The following ABI3BP variants were observed in gnomAD, a reference collection of about 807,000 sequenced individuals.
ABI3BP encodes the protein ABI family member 3 binding protein.
Under a neutral mutation model 268.6 loss-of-function variants are expected in ABI3BP, and 216 were observed. That is an observed-to-expected ratio of 0.80 (90% CI 0.72 to 0.90). The LOEUF is 0.90. Ranked by LOEUF, ABI3BP falls within the 40% of genes least tolerant of loss-of-function variation. ABI3BP has a pLI of 0.00. For synonymous variants in ABI3BP, 730 were observed against 730.0 expected, an observed-to-expected ratio of 1.00 and a Z score of 0.00; for missense variants, 2,090 against 2,182.4, an observed-to-expected ratio of 0.96 and a Z score of 0.84.
At chr3:100,921,286 T>A (rs2060136979) in intron 2 of ABI3BP, among the ~76,000 whole-genome samples, 1 of 152,232 alleles carries the variant, frequency 6.6e-6, no homozygotes, top group South Asian at 2.1e-4. Context: ...CTAAAGCAAT[T>A]CTTCAACGTG....
chr3:100,788,095 T>C (rs1453238689), intron 56 of ABI3BP, among the ~76,000 whole-genome samples: 1 of 152,178 alleles, frequency 6.6e-6, no homozygotes, highest in African/African-American at 2.4e-5. Flanking sequence ...GTTTCATTTA[T>C]AGGCATTAGA....
At chr3:100,784,181 T>C (rs778129216) in intron 57 of ABI3BP, among the ~76,000 whole-genome samples, 10 of 152,190 alleles carry the variant, frequency 6.6e-5, no homozygotes, top group Non-Finnish European at 1.5e-4. Flanking sequence ...AAGATTTTTA[T>C]AGAGACCTCA....
At chr3:100,990,629 T>A (rs1219527844) in intron 1 of ABI3BP, among the ~76,000 whole-genome samples, 3 of 150,090 alleles carry the variant, frequency 2.0e-5, no homozygotes, top group East Asian at 1.9e-4. Context: ...AATGTAGATA[T>A]GTTCTTAGGA....
chr3:100,948,583 T>TA (rs962919387), intron 1 of ABI3BP, among the ~76,000 whole-genome samples: 1 of 152,208 alleles, frequency 6.6e-6, no homozygotes, highest in Admixed American at 6.5e-5. Context: ...GCTTACAACT[T>TA]ACTATATGAA....
chr3:100,796,033 T>A (rs1427459680), intron 52 of ABI3BP, among the ~76,000 whole-genome samples, 182 bp from the exon 53 acceptor site: 1 of 152,124 alleles, frequency 6.6e-6, no homozygotes, highest in Non-Finnish European at 1.5e-5. Context: ...TAACTAAAAC[T>A]TTGAAGTTCT....
At chr3:100,890,751 C>T (rs2044222491) in intron 4 of ABI3BP, among the ~76,000 whole-genome samples, 1 of 152,124 alleles carries the variant, frequency 6.6e-6, no homozygotes, top group Non-Finnish European at 1.5e-5. Flanking sequence ...AATTTCATAA[C>T]TAACTTAAAA....
At chr3:100,759,006 T>C (rs1018363858) in intron 63 of ABI3BP, among the ~76,000 whole-genome samples, 17 of 152,348 alleles carry the variant, frequency 1.1e-4, no homozygotes, top group African/African-American at 4.1e-4. Context: ...CTTTTCCTTC[T>C]ATTTTTTGCC....
In ABI3BP at chr3:100,839,455, C is replaced by A. The variant is rs1432165791; in HGVS notation, c.1945+114G>T. The A allele has an allele frequency of 3.6e-6, 4 of 1,119,530 alleles. No individual in the cohort carries two copies. The African/African-American group carries it at 6.2e-5, about 17-fold the overall frequency. The allele number at this position is 1,119,530 out of a possible 1,614,324, so 69.3% of individuals were successfully genotyped here. The stretch of plus-strand genomic sequence containing the variant: ...CCCAGACAGGAAAGGTGAGGAAAAG[C>A]GTGGGATGAAACTGTGATGAGGTGG... On this transcript the variant is annotated intron_variant, in intron 24 of 67. Transcript: ENST00000471714.
chr3:100,894,952 A>AAAAAAAAAAAAAAAAAAAAAC (rs1561384128), intron 4 of ABI3BP, among the ~76,000 whole-genome samples: 3 of 111,624 alleles, frequency 2.7e-5, no homozygotes, highest in Non-Finnish European at 6.8e-5. Context: ...AAAAAAAAAA[A>AAAAAAAAAAAAAAAAAAAAAC]AAAAAAAAAA....
intron 2 of ABI3BP, among the ~76,000 whole-genome samples, chr3:100,910,263 G>T (rs1474997465): frequency 6.6e-6 from 1 of 152,082 alleles, no homozygotes; most frequent in African/African-American, 2.4e-5. Context: ...CTGTTGGGAA[G>T]TCGGGGGCAG....
rs375624501 is a variant in ABI3BP, at chr3:100,864,944, A to G, written c.989-37T>C. ...AAAGCACAACTTTACAAATTAAGAT[A>G]AAGTGAAGCAACCAAAGACCAGGAG... On this transcript the variant is annotated intron_variant, in intron 10 of 67. Transcript: ENST00000471714. 14 of 1,512,804 alleles carry G rather than the reference A, an allele frequency of 9.3e-6. No individual in the cohort carries two copies. The African/African-American group carries it at 1.4e-4, about 15-fold the overall frequency. The allele number at this position is 1,512,804 out of a possible 1,614,324, so 93.7% of individuals were successfully genotyped here. A position where few individuals can be genotyped will look rare whatever the true frequency, so the allele number is the denominator to read the frequency against.
At chr3:100,980,307 T>C (rs922199789) in intron 1 of ABI3BP, among the ~76,000 whole-genome samples, 1 of 152,076 alleles carries the variant, frequency 6.6e-6, no homozygotes, top group Non-Finnish European at 1.5e-5. Context: ...CTCTGCTCAC[T>C]GCAAGGTCTG....
At chr3:100,771,419 G>A (rs2096540976) in intron 61 of ABI3BP, among the ~76,000 whole-genome samples, 1 of 150,766 alleles carries the variant, frequency 6.6e-6, no homozygotes, top group Admixed American at 6.6e-5. Flanking sequence ...GCACCTAAAA[G>A]GTAAAATTCA....
chr3:100,873,480 T>C (rs1204157758), intron 9 of ABI3BP, among the ~76,000 whole-genome samples: 1 of 152,152 alleles, frequency 6.6e-6, no homozygotes, highest in Non-Finnish European at 1.5e-5. Flanking sequence ...GGATCCGCAC[T>C]GTACCAGCAG....
intron 1 of ABI3BP, among the ~76,000 whole-genome samples, chr3:100,981,722 T>C (rs1372641559): frequency 6.6e-6 from 1 of 151,662 alleles, no homozygotes; most frequent in Admixed American, 6.6e-5. Context: ...AGTACAGGAG[T>C]GGGATGCTCA....
At chr3:100,780,401 G>GT (rs2096834000) in intron 57 of ABI3BP, among the ~76,000 whole-genome samples, 192 bp from the exon 58 acceptor site, 1 of 152,078 alleles carries the variant, frequency 6.6e-6, no homozygotes, top group African/African-American at 2.4e-5. Flanking sequence ...TAGTTGTGAT[G>GT]TTTTCTCTGT....
chr3:100,956,449 G>A (rs931564624), intron 1 of ABI3BP, among the ~76,000 whole-genome samples: 2 of 152,164 alleles, frequency 1.3e-5, no homozygotes, highest in African/African-American at 4.8e-5. Flanking sequence ...TCGTTAAATT[G>A]TTGGTGCCAG....
At chr3:100,786,234 C>G (rs1450905773) in intron 57 of ABI3BP, among the ~76,000 whole-genome samples, 2 of 152,154 alleles carry the variant, frequency 1.3e-5, no homozygotes, top group Non-Finnish European at 2.9e-5. Flanking sequence ...AAAGAGGAAA[C>G]AGTGAGCTCA....
intron 59 of ABI3BP, among the ~76,000 whole-genome samples, chr3:100,777,845 A>G (rs759922877): frequency 6.6e-6 from 1 of 152,208 alleles, no homozygotes; most frequent in Non-Finnish European, 1.5e-5. Context: ...CCTGAGCACC[A>G]TAATACCAGG....
Sources: allele counts gnomAD v4.1 joint callset (sites outside exome capture counted in the v4.1 genomes callset), GRCh38; gene constraint gnomAD v4.1.1; transcripts MANE v1.5; gene names NCBI Gene and HGNC (gene_info 2026-07-23, HGNC 2026-07-21).